The following SEMA6D variants were observed in gnomAD, a reference collection of about 807,000 sequenced individuals.
SEMA6D encodes the protein semaphorin 6D, also known as semaphorin-6D.
In SEMA6D, 35 loss-of-function variants were observed where a neutral mutation model predicts 106.6. The observed-to-expected ratio is 0.33, with a 90% confidence interval of 0.25 to 0.44. The LOEUF is 0.44. SEMA6D is among the 20% of genes least tolerant of loss of function. The probability of loss-of-function intolerance (pLI) is 1.00; values close to 1 mark genes in which losing one functional copy is unlikely to be tolerated. For synonymous variants in SEMA6D, 499 were observed against 487.7 expected (o/e 1.02, Z -0.31); for missense variants, 1,185 against 1,345.9 (o/e 0.88, Z 1.87).
At chr15:47,409,839 T>G in intron 1 of SEMA6D, among the ~76,000 whole-genome samples, 1 of 140,016 alleles carries the variant, frequency 7.1e-6, no homozygotes, top group East Asian at 2.3e-4. Context: ...GGGGAAGGGA[T>G]GGGAGGAGCA....
intron 1 of SEMA6D, among the ~76,000 whole-genome samples, chr15:47,320,974 G>A (rs1241024388): frequency 6.6e-6 from 1 of 152,148 alleles, no homozygotes; most frequent in African/African-American, 2.4e-5. Flanking sequence ...GGTGTTCACT[G>A]TGCTGCTGAT....
chr15:47,764,469 G>A (rs2082230187), intron 11 of SEMA6D, among the ~76,000 whole-genome samples, 164 bp downstream of exon 11: 1 of 152,176 alleles, frequency 6.6e-6, no homozygotes, highest in Non-Finnish European at 1.5e-5. Context: ...GCCCATGAGT[G>A]TGAATGGAGA....
intron 1 of SEMA6D, among the ~76,000 whole-genome samples, chr15:47,278,200 A>G (rs2034929170): frequency 6.6e-6 from 1 of 152,148 alleles, no homozygotes; most frequent in South Asian, 2.1e-4. Context: ...TGACTTCCAC[A>G]GTGGTTGAAC....
At chr15:47,746,519 C>T (rs376699058) in intron 1 of SEMA6D, among the ~76,000 whole-genome samples, 1 of 152,220 alleles carries the variant, frequency 6.6e-6, no homozygotes, top group Non-Finnish European at 1.5e-5. Flanking sequence ...GGAAAGGCTT[C>T]ATGGAGTACA....
At chr15:47,374,304 A>C (rs2039375813) in intron 1 of SEMA6D, among the ~76,000 whole-genome samples, 1 of 152,170 alleles carries the variant, frequency 6.6e-6, no homozygotes, top group Admixed American at 6.5e-5. Flanking sequence ...GGTAAAGAGA[A>C]GTCCTCAAAT....
At chr15:47,763,246 G>C in intron 9 of SEMA6D, 142 bp downstream of exon 9, 1 of 552,738 alleles carries the variant, frequency 1.8e-6, no homozygotes. Flanking sequence ...GAGGTGGGTT[G>C]CTTATCATGA....
chr15:47,369,354 C>G (rs911474823), intron 1 of SEMA6D, among the ~76,000 whole-genome samples: 2 of 152,150 alleles, frequency 1.3e-5, no homozygotes, highest in African/African-American at 4.8e-5. Flanking sequence ...GACACTTTCA[C>G]AATCTACTGA....
chr15:47,511,577 C>G (rs1302572161), intron 3 of SEMA6D, among the ~76,000 whole-genome samples: 1 of 152,188 alleles, frequency 6.6e-6, no homozygotes, highest in Non-Finnish European at 1.5e-5. Context: ...TCCCTTCCCT[C>G]CTCCATAGAG....
At chr15:47,247,580 A>G (rs547191980) in intron 1 of SEMA6D, among the ~76,000 whole-genome samples, 2 of 152,228 alleles carry the variant, frequency 1.3e-5, no homozygotes, top group Non-Finnish European at 2.9e-5. Flanking sequence ...CAGTGGAACT[A>G]TAATAGTCGT....
chr15:47,309,199 C>G (rs1220421978), intron 1 of SEMA6D, among the ~76,000 whole-genome samples: 2 of 152,194 alleles, frequency 1.3e-5, no homozygotes, highest in Admixed American at 1.3e-4. Context: ...TTCCCCATGT[C>G]AATCACCATT....
chr15:47,762,833 G>T (rs1386810476), intron 8 of SEMA6D, among the ~76,000 whole-genome samples, 183 bp from the exon 9 acceptor site: 1 of 152,168 alleles, frequency 6.6e-6, no homozygotes, highest in African/African-American at 2.4e-5. Context: ...TGACTTTAGA[G>T]ATGACTGGTT....
chr15:47,763,098 A>C lies in SEMA6D; in HGVS notation c.741A>C (p.Leu247Phe), dbSNP rs1360134092. ...FREIAVEHNN[L>F]GKAVYSRVAR... ...AAATCGCTGTCGAACATAATAATTTAGGCAAGGCAAGTATATGCATTTGGC... is the reference window on the plus strand; with the variant it reads ...AAATCGCTGTCGAACATAATAATTTCGGCAAGGCAAGTATATGCATTTGGC... The change falls in exon 9 of 19, where the codon TTA becomes TTC. Residue 247 changes from leucine to phenylalanine, a missense_variant. Coordinates refer to ENST00000536845, the MANE Select transcript of SEMA6D (RefSeq NM_001358351.3). 1 of 1,611,054 alleles carries C rather than the reference A, an allele frequency of 6.2e-7. No homozygotes were observed. The highest frequency in any genetic ancestry group is 1.1e-5 in the South Asian group (1 of 90,770).
At chr15:47,644,836 T>TA (rs2077552161) in intron 4 of SEMA6D, among the ~76,000 whole-genome samples, 1 of 152,218 alleles carries the variant, frequency 6.6e-6, no homozygotes, top group Admixed American at 6.5e-5. Context: ...GTCTTAGAGA[T>TA]AACTGAAGTG....
At chr15:47,325,480 C>T (rs749128317) in intron 1 of SEMA6D, among the ~76,000 whole-genome samples, 2 of 152,164 alleles carry the variant, frequency 1.3e-5, no homozygotes, top group African/African-American at 2.4e-5. Context: ...CAGGGTGAAG[C>T]GTTTTAGATC....
chr15:47,253,816 G>A (rs1262823044), intron 1 of SEMA6D, among the ~76,000 whole-genome samples: 1 of 152,074 alleles, frequency 6.6e-6, no homozygotes, highest in Non-Finnish European at 1.5e-5. Context: ...TTTTGTTCAA[G>A]ATTGCTTTGG....
intron 4 of SEMA6D, among the ~76,000 whole-genome samples, chr15:47,701,946 G>C (rs533876439): frequency 1.3e-5 from 2 of 152,138 alleles, no homozygotes; most frequent in African/African-American, 4.8e-5. Context: ...TAGTTTGCTG[G>C]TTCTATAGTA....
chr15:47,442,576 T>C (rs1252409086), intron 2 of SEMA6D, among the ~76,000 whole-genome samples: 1 of 152,154 alleles, frequency 6.6e-6, no homozygotes, highest in African/African-American at 2.4e-5. Context: ...AGCTGTAGTA[T>C]AAACAGCAAC....
chr15:47,670,474 T>C (rs568576728), intron 4 of SEMA6D, among the ~76,000 whole-genome samples: 1 of 152,288 alleles, frequency 6.6e-6, no homozygotes, highest in Non-Finnish European at 1.5e-5. Context: ...GAGTCTTGGC[T>C]AATGCATAGC....
At chr15:47,285,480 A>G (rs16959157) in intron 1 of SEMA6D, among the ~76,000 whole-genome samples, 16,121 of 148,898 alleles carry the variant, frequency 0.11, 1,859 homozygotes, top group African/African-American at 0.29. Flanking sequence ...TAGATGTTTG[A>G]AAAAAAAAAG....
Sources: allele counts gnomAD v4.1 joint callset (sites outside exome capture counted in the v4.1 genomes callset), GRCh38; gene constraint gnomAD v4.1.1; transcripts MANE v1.5; gene names NCBI Gene and HGNC (gene_info 2026-07-23, HGNC 2026-07-21).